Variants in KCNAB1 observed in about 807,000 individuals in gnomAD.
The protein encoded by KCNAB1 is potassium voltage-gated channel subfamily A regulatory beta subunit 1, also known as voltage-gated potassium channel subunit beta-1.
In KCNAB1, 35 loss-of-function variants were observed where a neutral mutation model predicts 64.6. The observed-to-expected ratio is 0.54, with a 90% confidence interval of 0.41 to 0.72. The LOEUF is 0.72. KCNAB1 is among the 30% of genes least tolerant of loss of function. The probability of loss-of-function intolerance (pLI) is 0.00; values close to 1 mark genes in which losing one functional copy is unlikely to be tolerated. For synonymous variants in KCNAB1, 177 were observed against 183.8 expected, an observed-to-expected ratio of 0.96 and a Z score of 0.30; for missense variants, 401 against 512.9, an observed-to-expected ratio of 0.78 and a Z score of 2.11.
chr3:156,214,750 A>T (rs79484437), intron 1 of KCNAB1, among the ~76,000 whole-genome samples: 1 of 152,234 alleles, frequency 6.6e-6, no homozygotes, highest in African/African-American at 2.4e-5. Context: ...TCACAGCTCA[A>T]TTGAAGCCAA....
intron 2 of KCNAB1, among the ~76,000 whole-genome samples, chr3:156,443,048 A>T (rs1209477158): frequency 1.3e-5 from 2 of 152,250 alleles, no homozygotes; most frequent in East Asian, 3.9e-4. Context: ...TTTTTAAAAA[A>T]TTTCATTTTT....
intron 1 of KCNAB1, among the ~76,000 whole-genome samples, chr3:156,183,737 C>T (rs1241932364): frequency 6.6e-6 from 1 of 152,238 alleles, no homozygotes; most frequent in East Asian, 1.9e-4. Flanking sequence ...CAGGCAATCA[C>T]TGCATCTTCT....
At chr3:156,122,698 A>C (rs1713420534) in intron 1 of KCNAB1, among the ~76,000 whole-genome samples, 1 of 152,194 alleles carries the variant, frequency 6.6e-6, no homozygotes, top group Non-Finnish European at 1.5e-5. Context: ...AAGAGTGAAG[A>C]TATGTCCACC....
chr3:156,146,747 C>T (rs900733039), intron 1 of KCNAB1, among the ~76,000 whole-genome samples: 50 of 152,098 alleles, frequency 3.3e-4, no homozygotes, highest in Non-Finnish European at 5.6e-4. Flanking sequence ...TTTATGGACA[C>T]GGAAATTTGA....
intron 1 of KCNAB1, among the ~76,000 whole-genome samples, chr3:156,413,608 C>T (rs779610765): frequency 3.9e-5 from 6 of 152,204 alleles, no homozygotes; most frequent in Admixed American, 6.5e-5. Flanking sequence ...AGAGGCACTG[C>T]CGCACTATGC....
At chr3:156,319,671 A>C (rs1722526655) in intron 1 of KCNAB1, among the ~76,000 whole-genome samples, 1 of 152,194 alleles carries the variant, frequency 6.6e-6, no homozygotes, top group South Asian at 2.1e-4. Flanking sequence ...ATGCATTCTT[A>C]GTTTTAGATG....
intron 1 of KCNAB1, among the ~76,000 whole-genome samples, chr3:156,179,082 G>A (rs1287994224): frequency 6.6e-6 from 1 of 150,898 alleles, no homozygotes; most frequent in Admixed American, 6.6e-5. Flanking sequence ...CCACTCCAGT[G>A]ATTCTTTGAG....
intron 13 of KCNAB1, among the ~76,000 whole-genome samples, chr3:156,533,272 G>A (rs993148494): frequency 3.3e-5 from 5 of 152,168 alleles, no homozygotes; most frequent in Non-Finnish European, 7.3e-5. Flanking sequence ...TGTTTATTCC[G>A]AGGGCTTCAT....
intron 2 of KCNAB1, among the ~76,000 whole-genome samples, chr3:156,428,533 A>ACACACACACACACACACACAC (rs59772816): frequency 2.1e-5 from 3 of 143,050 alleles, no homozygotes; most frequent in African/African-American, 7.9e-5. Flanking sequence ...ACACACACAC[A>ACACACACACACACACACACAC]CCCTATTGGT....
intron 1 of KCNAB1, among the ~76,000 whole-genome samples, chr3:156,147,056 G>A (rs1560107411): frequency 6.6e-6 from 1 of 152,172 alleles, no homozygotes; most frequent in Non-Finnish European, 1.5e-5. Context: ...AAAAAACAGT[G>A]CCAAGAAAGA....
At chr3:156,380,862 A>G (rs1437866745) in intron 1 of KCNAB1, among the ~76,000 whole-genome samples, 1 of 152,214 alleles carries the variant, frequency 6.6e-6, no homozygotes, top group Non-Finnish European at 1.5e-5. Flanking sequence ...GGGAGACATC[A>G]GCCTCCAACT....
At chr3:156,222,922 A>G (rs1325605425) in intron 1 of KCNAB1, among the ~76,000 whole-genome samples, 4 of 152,226 alleles carry the variant, frequency 2.6e-5, no homozygotes, top group African/African-American at 9.6e-5. Flanking sequence ...TCTGGGATAT[A>G]GCAAAAGCAG....
At chr3:156,420,039 T>C (rs1715363730) in intron 1 of KCNAB1, among the ~76,000 whole-genome samples, 1 of 152,266 alleles carries the variant, frequency 6.6e-6, no homozygotes, top group Admixed American at 6.5e-5. Flanking sequence ...TGGTTCAAAA[T>C]ATTTTCCACA....
At chr3:156,219,046 G>A (rs1576616501) in intron 1 of KCNAB1, among the ~76,000 whole-genome samples, 1 of 151,680 alleles carries the variant, frequency 6.6e-6, no homozygotes, top group East Asian at 1.9e-4. Flanking sequence ...GACAAAACAA[G>A]GATATTTACA....
At chr3:156,350,836 A>T (rs7638719) in intron 1 of KCNAB1, among the ~76,000 whole-genome samples, 22,530 of 152,264 alleles carry the variant, frequency 0.15, 4,217 homozygotes, top group African/African-American at 0.44. Flanking sequence ...ATATCTTTTT[A>T]AATTAAATGA....
intron 1 of KCNAB1, among the ~76,000 whole-genome samples, chr3:156,322,188 A>G (rs1180778285): frequency 2.0e-5 from 3 of 152,232 alleles, no homozygotes. Flanking sequence ...TCGTCCCAGA[A>G]CAGTTCTTAG....
At chr3:156,152,964 T>C (rs1715501603) in intron 1 of KCNAB1, among the ~76,000 whole-genome samples, 1 of 152,260 alleles carries the variant, frequency 6.6e-6, no homozygotes, top group Non-Finnish European at 1.5e-5. Flanking sequence ...GGCGCACTTA[T>C]TTGTTTATTT....
At chr3:156,495,067 G>T (rs1013238334) in intron 8 of KCNAB1, among the ~76,000 whole-genome samples, 1 of 152,036 alleles carries the variant, frequency 6.6e-6, no homozygotes, top group Non-Finnish European at 1.5e-5. Flanking sequence ...GTGCCCTGCA[G>T]TGTGTCCATG....
At chr3:156,420,030 G>A (rs186642850) in intron 1 of KCNAB1, among the ~76,000 whole-genome samples, 1 of 152,306 alleles carries the variant, frequency 6.6e-6, no homozygotes, top group East Asian at 1.9e-4. Flanking sequence ...CCCATTTAGT[G>A]GTTCAAAATA....
Sources: allele counts gnomAD v4.1 joint callset (sites outside exome capture counted in the v4.1 genomes callset), GRCh38; gene constraint gnomAD v4.1.1; transcripts MANE v1.5; gene names NCBI Gene and HGNC (gene_info 2026-07-23, HGNC 2026-07-21).